The following MCTP1 variants were observed in gnomAD, a reference collection of about 807,000 sequenced individuals.
The protein encoded by MCTP1 is multiple C2 and transmembrane domain containing 1.
Under a neutral mutation model 120.6 loss-of-function variants are expected in MCTP1, and 69 were observed. That is an observed-to-expected ratio of 0.57 (90% CI 0.47 to 0.70). The LOEUF is 0.70. Among genes scored for constraint, MCTP1 ranks in the 30% least tolerant of loss-of-function variants. The probability of loss-of-function intolerance (pLI) is 0.00; values close to 1 mark genes in which losing one functional copy is unlikely to be tolerated. For synonymous variants in MCTP1, 529 were observed against 493.1 expected (o/e 1.07, Z -0.96); for missense variants, 1,203 against 1,248.8 (o/e 0.96, Z 0.55).
At chr5:94,994,071 C>G (rs902435808) in intron 2 of MCTP1, among the ~76,000 whole-genome samples, 1 of 152,166 alleles carries the variant, frequency 6.6e-6, no homozygotes, top group African/African-American at 2.4e-5. Context: ...CTATGACCAA[C>G]AAACTACCAG....
At chr5:94,825,631 A>G (rs1349626264) in intron 17 of MCTP1, among the ~76,000 whole-genome samples, 1 of 152,142 alleles carries the variant, frequency 6.6e-6, no homozygotes, top group Admixed American at 6.6e-5. Context: ...TCTAATATTG[A>G]CAGTGGGGTG....
intron 20 of MCTP1, among the ~76,000 whole-genome samples, chr5:94,712,979 G>GA (rs1254178734): frequency 2.0e-5 from 3 of 151,812 alleles, no homozygotes; most frequent in South Asian, 4.2e-4. Context: ...GTAGCTGTTA[G>GA]AAAAAATAAA....
chr5:95,195,884 T>C (rs1050645492), intron 1 of MCTP1, among the ~76,000 whole-genome samples: 2 of 152,192 alleles, frequency 1.3e-5, no homozygotes, highest in African/African-American at 2.4e-5. Context: ...TACCAATGTG[T>C]AAATGTTCTC....
chr5:95,190,892 T>G (rs1200165249), intron 1 of MCTP1, among the ~76,000 whole-genome samples: 1 of 152,016 alleles, frequency 6.6e-6, no homozygotes, highest in Non-Finnish European at 1.5e-5. Flanking sequence ...AACTAAAATC[T>G]TAAATCTGCC....
intron 1 of MCTP1, among the ~76,000 whole-genome samples, chr5:95,147,738 A>G (rs1017379279): frequency 6.6e-6 from 1 of 152,040 alleles, no homozygotes; most frequent in African/African-American, 2.4e-5. Context: ...TGATACTCTC[A>G]TTGTGTTGTT....
chr5:95,002,717 G>C (rs2153638370), intron 2 of MCTP1, among the ~76,000 whole-genome samples: 1 of 152,286 alleles, frequency 6.6e-6, no homozygotes, highest in South Asian at 2.1e-4. Flanking sequence ...CAGGCTCATA[G>C]GCAGAAGGGA....
intron 1 of MCTP1, among the ~76,000 whole-genome samples, chr5:95,193,327 T>C (rs1750029368): frequency 6.6e-6 from 1 of 152,192 alleles, no homozygotes; most frequent in South Asian, 2.1e-4. Context: ...CATAAGGTTA[T>C]TTATTACTAA....
At chr5:94,828,050 G>A (rs1184636825) in intron 17 of MCTP1, among the ~76,000 whole-genome samples, 1 of 151,964 alleles carries the variant, frequency 6.6e-6, no homozygotes, top group Non-Finnish European at 1.5e-5. Context: ...TCTGGTTTTT[G>A]GAATTTTCAG....
intron 1 of MCTP1, among the ~76,000 whole-genome samples, chr5:95,214,166 A>G (rs1301919183): frequency 4.6e-5 from 7 of 152,282 alleles, no homozygotes; most frequent in Non-Finnish European, 1.0e-4. Flanking sequence ...ACAAATTTAC[A>G]AGAAAAAAAC....
intron 1 of MCTP1, among the ~76,000 whole-genome samples, chr5:95,279,327 A>G (rs1760123901): frequency 6.6e-6 from 1 of 152,216 alleles, no homozygotes; most frequent in Admixed American, 6.5e-5. Context: ...AACATAACAT[A>G]TTCATTCTTC....
intron 1 of MCTP1, among the ~76,000 whole-genome samples, chr5:95,171,099 A>T (rs987004333): frequency 1.3e-5 from 2 of 152,094 alleles, no homozygotes; most frequent in African/African-American, 4.8e-5. Flanking sequence ...CTTGTAGGGC[A>T]GGCCTGGTGG....
intron 1 of MCTP1, among the ~76,000 whole-genome samples, chr5:95,161,532 G>A (rs142153846): frequency 1.1e-3 from 167 of 152,060 alleles, no homozygotes; most frequent in African/African-American, 3.9e-3. Context: ...TGCACAAAAT[G>A]GTGACTATAA....
chr5:94,813,808 T>C (rs1447066733), intron 17 of MCTP1, among the ~76,000 whole-genome samples: 1 of 151,880 alleles, frequency 6.6e-6, no homozygotes, highest in East Asian at 1.9e-4. Flanking sequence ...GCCATAATTA[T>C]ATCACTGCAT....
chr5:95,053,265 C>G (rs1746484893), intron 1 of MCTP1, among the ~76,000 whole-genome samples: 1 of 152,152 alleles, frequency 6.6e-6, no homozygotes, highest in Admixed American at 6.5e-5. Flanking sequence ...CCACTTAAAT[C>G]AGAATGACAA....
chr5:95,076,594 G>C (rs1402838158), intron 1 of MCTP1, among the ~76,000 whole-genome samples: 1 of 152,128 alleles, frequency 6.6e-6, no homozygotes, highest in Non-Finnish European at 1.5e-5. Context: ...AGTGGGCCAG[G>C]GTAATGCTGT....
chr5:95,106,085 C>T (rs1265608390), intron 1 of MCTP1, among the ~76,000 whole-genome samples: 1 of 152,204 alleles, frequency 6.6e-6, no homozygotes, highest in East Asian at 1.9e-4. Flanking sequence ...TATTTTGTAA[C>T]ATTTCCCTGA....
rs549750872 is a variant in MCTP1 at position 95,180,227 on chromosome 5, A to G, written c.720+103629T>C. 1.6e-3 allele frequency among the ~76,000 whole-genome samples: 250 copies of G among 152,318 alleles called. 1 individual carries two copies. Among genetic ancestry groups the G allele is most frequent in the African/African-American group, 5.9e-3 (246 of 41,568 alleles). ...GGGACTTGAATACTCCACTGTCAGC[A>G]CTAGACAGGTCATGAAGACAAAAAG... On this transcript the variant is annotated intron_variant, in intron 1 of 22. Transcript: ENST00000515393.
At chr5:94,817,448 T>C (rs945755303) in intron 17 of MCTP1, among the ~76,000 whole-genome samples, 1 of 144,128 alleles carries the variant, frequency 6.9e-6, no homozygotes, top group African/African-American at 2.6e-5. Context: ...ACAAACAAAC[T>C]GGTTTACTAT....
intron 1 of MCTP1, among the ~76,000 whole-genome samples, chr5:95,242,391 T>C (rs539748528): frequency 6.6e-6 from 1 of 152,264 alleles, no homozygotes; most frequent in South Asian, 2.1e-4. Flanking sequence ...AGCCCTCAAA[T>C]ACAAAATTGT....
Sources: gnomAD v4.1 joint callset for allele counts (sites outside exome capture counted in the v4.1 genomes callset) on GRCh38, gnomAD v4.1.1 for gene constraint, MANE v1.5 for transcripts, NCBI Gene and HGNC (gene_info 2026-07-23, HGNC 2026-07-21) for gene names.